Variants in BCAS3 observed in about 807,000 individuals in gnomAD.
The protein encoded by BCAS3 is BCAS3 microtubule associated cell migration factor, also known as BCAS4/BCAS3 fusion.
BCAS3 carries 53 observed loss-of-function variants against 116.1 expected under a neutral mutation model. The observed-to-expected ratio is 0.46, with a 90% CI of 0.37 to 0.57. BCAS3 has a LOEUF of 0.57. Among genes scored for constraint, BCAS3 ranks in the 20% least tolerant of loss-of-function variants. The pLI is 0.00. For missense variants in BCAS3, 917 were observed against 1,165.4 expected (o/e 0.79, Z 3.10); for synonymous variants, 391 against 408.2 (o/e 0.96, Z 0.51).
chr17:60,848,347 A>T (rs4548938), intron 7 of BCAS3, among the ~76,000 whole-genome samples: 43,361 of 152,064 alleles, frequency 0.29, 9,864 homozygotes, highest in African/African-American at 0.64. Flanking sequence ...GGAATTTCGA[A>T]AGATATTGTA....
chr17:60,785,792 A>T (rs1160063051), intron 6 of BCAS3, among the ~76,000 whole-genome samples: 1 of 152,220 alleles, frequency 6.6e-6, no homozygotes, highest in African/African-American at 2.4e-5. Context: ...AGCTCTCAGT[A>T]TCTGTAGTTT....
chr17:61,035,728 G>A (rs547650449), intron 17 of BCAS3, among the ~76,000 whole-genome samples: 76 of 152,154 alleles, frequency 5.0e-4, no homozygotes, highest in East Asian at 1.9e-4. Flanking sequence ...GTGGATGGCC[G>A]AAACCTCGGA....
intron 20 of BCAS3, among the ~76,000 whole-genome samples, chr17:61,076,944 C>G (rs919707771): frequency 1.3e-5 from 2 of 152,086 alleles, no homozygotes; most frequent in Non-Finnish European, 2.9e-5. Flanking sequence ...CTCTGTGAAC[C>G]TTTTCAGTTA....
chr17:61,195,582 G>A (rs1039593877), intron 22 of BCAS3, among the ~76,000 whole-genome samples: 3 of 137,388 alleles, frequency 2.2e-5, no homozygotes, highest in African/African-American at 8.8e-5. Context: ...TTGCCATGTT[G>A]CCCAGGCTGG....
intron 22 of BCAS3, among the ~76,000 whole-genome samples, chr17:61,298,590 AATG>A (rs2053148338): frequency 6.6e-6 from 1 of 152,098 alleles, no homozygotes; most frequent in South Asian, 2.1e-4. Flanking sequence ...CCCTGAGAAT[AATG>A]ATGAGAGAGA....
At chr17:61,372,623 C>T (rs2143548979) in intron 23 of BCAS3, among the ~76,000 whole-genome samples, 1 of 152,288 alleles carries the variant, frequency 6.6e-6, no homozygotes, top group South Asian at 2.1e-4. Flanking sequence ...GCTCCAGACT[C>T]ATCTCTTGCT....
chr17:60,999,172 T>C (rs1184016538), intron 15 of BCAS3, among the ~76,000 whole-genome samples: 1 of 152,156 alleles, frequency 6.6e-6, no homozygotes, highest in African/African-American at 2.4e-5. Context: ...TTCTTTTCCA[T>C]TGGTCTATGT....
chr17:60,715,550 G>A (rs1026218761), intron 5 of BCAS3, among the ~76,000 whole-genome samples: 16 of 151,268 alleles, frequency 1.1e-4, no homozygotes, highest in African/African-American at 1.7e-4. Flanking sequence ...GTGCAGTAGC[G>A]CAATCTCAGC....
chr17:61,214,537 A>T lies in BCAS3; in HGVS notation c.2425+129973A>T, dbSNP rs997130645. ...GTCTCTACTAAAAATACCAAAAAAA[A>T]AAAATTAGCTGGGCGTGGCGGCGGG... On this transcript the variant is annotated intron_variant, in intron 22 of 23. Coordinates refer to ENST00000407086, the MANE Select transcript of BCAS3 (RefSeq NM_017679.5). The surrounding 1 kb of genome is among the most constrained non-coding windows in gnomAD (Gnocchi z 4.4). Among the ~76,000 whole-genome samples, 1 of 151,840 alleles carries T rather than the reference A, an allele frequency of 6.6e-6. No individual in the cohort carries two copies. Among genetic ancestry groups the T allele is most frequent in the South Asian group, 2.1e-4 (1 of 4,804 alleles).
intron 16 of BCAS3, among the ~76,000 whole-genome samples, chr17:61,027,675 A>G (rs1330513680): frequency 2.6e-5 from 4 of 152,040 alleles, no homozygotes; most frequent in South Asian, 2.1e-4. Context: ...TTAGATCCCA[A>G]TTGACACACT....
At chr17:60,703,312 G>C (rs896924193) in intron 4 of BCAS3, among the ~76,000 whole-genome samples, 6 of 151,982 alleles carry the variant, frequency 3.9e-5, no homozygotes, top group Non-Finnish European at 8.8e-5. Flanking sequence ...TTTTAGGCCA[G>C]GCGCGGTGGC....
In BCAS3 at chr17:61,354,355, G is replaced by A. The variant is rs1282885411; in HGVS notation, c.2426-13972G>A. The stretch of plus-strand genomic sequence containing the variant: ...GTGAGATTTTCATGAGAGACTTCCT[G>A]TTCCAGTGGACTCTTCCACCGCCCT... On this transcript the variant is annotated intron_variant, in intron 22 of 23. Transcript: ENST00000407086. This position sits in a 1 kb window ranked among gnomAD's most constrained non-coding sequence, Gnocchi z 4.5. 1 of 152,194 alleles carries A rather than the reference G, an allele frequency of 6.6e-6. No homozygotes were observed. The highest frequency in any genetic ancestry group is 1.5e-5 in the Non-Finnish European group (1 of 68,040). 9.4% of individuals were successfully genotyped at this position (152,194 alleles called of 1,614,324 possible). A position where few individuals can be genotyped will look rare whatever the true frequency, so the allele number is the denominator to read the frequency against.
intron 7 of BCAS3, among the ~76,000 whole-genome samples, chr17:60,843,360 G>T (rs1049766357): frequency 6.6e-6 from 1 of 151,776 alleles, no homozygotes; most frequent in African/African-American, 2.4e-5. Context: ...GGGATTACAG[G>T]CACACACCAC....
intron 7 of BCAS3, among the ~76,000 whole-genome samples, chr17:60,821,544 A>G (rs2049968648): frequency 6.6e-6 from 1 of 152,106 alleles, no homozygotes; most frequent in South Asian, 2.1e-4. Flanking sequence ...AAGATAACCA[A>G]TGTTCTACTT....
chr17:60,998,072 C>T (rs558511042), intron 15 of BCAS3, among the ~76,000 whole-genome samples: 15 of 152,272 alleles, frequency 9.9e-5, no homozygotes, highest in African/African-American at 3.6e-4. Context: ...GTTTAGCTCC[C>T]ACTTATAAGT....
At chr17:61,182,539 A>G (rs939228323) in intron 22 of BCAS3, among the ~76,000 whole-genome samples, 6 of 152,160 alleles carry the variant, frequency 3.9e-5, no homozygotes, top group Non-Finnish European at 5.9e-5. Context: ...ATACAATACA[A>G]TTCATCCATG....
chr17:61,187,333 G>T lies in BCAS3; in HGVS notation c.2425+102769G>T, dbSNP rs116116479. Among the ~76,000 whole-genome samples the T allele has an allele frequency of 3.2e-3, 490 of 152,332 alleles. 4 individuals carry two copies. Among genetic ancestry groups the T allele is most frequent in the African/African-American group, 0.011 (460 of 41,580 alleles). On this transcript the variant is annotated intron_variant, in intron 22 of 23. Coordinates refer to ENST00000407086, the MANE Select transcript of BCAS3 (RefSeq NM_017679.5). The stretch of plus-strand genomic sequence containing the variant: ...TCTCAGCTAGATTTCTGGTATGTCT[G>T]TGAAACTCCTTTCTTATCATTCGTC...
At chr17:61,102,777 T>C (rs1313815106) in intron 22 of BCAS3, among the ~76,000 whole-genome samples, 2 of 152,118 alleles carry the variant, frequency 1.3e-5, no homozygotes, top group Non-Finnish European at 2.9e-5. Flanking sequence ...TTGTAAAAAT[T>C]AATAGATAAT....
rs767593694 is a variant in BCAS3, at chr17:60,689,658, T to C, written c.139-28T>C. Reference sequence around the variant, plus strand: ...TAATATTAAAGCTGTAAAATATGTTTATTCAAATGTTTCTGTTTACTATGC... The same window carrying C: ...TAATATTAAAGCTGTAAAATATGTTCATTCAAATGTTTCTGTTTACTATGC... On this transcript the variant is annotated intron_variant, in intron 3 of 23. Transcript: ENST00000407086. 30 of 1,509,844 alleles carry C rather than the reference T, an allele frequency of 2.0e-5. No individual in the cohort carries two copies. In the Admixed American group the frequency reaches 5.4e-4, roughly 27 times the overall value. 93.5% of individuals were successfully genotyped at this position (1,509,844 alleles called of 1,614,324 possible).
Sources: gnomAD v4.1 joint callset for allele counts (sites outside exome capture counted in the v4.1 genomes callset) on GRCh38, gnomAD v4.1.1 for gene constraint, Gnocchi (gnomAD v3.1) non-coding constraint, MANE v1.5 for transcripts, NCBI Gene and HGNC (gene_info 2026-07-23, HGNC 2026-07-21) for gene names.